GSTO1: variants seen among roughly 807,000 people sequenced by gnomAD.
GSTO1 encodes the protein glutathione S-transferase omega 1.
A neutral mutation model predicts 23.8 loss-of-function variants in GSTO1; 27 were observed. That is an observed-to-expected ratio of 1.13 (90% CI 0.83 to 1.56). The LOEUF (loss-of-function observed/expected upper bound fraction) is 1.56. Ranked by LOEUF, GSTO1 falls within the 40% of genes most tolerant of loss-of-function variation. GSTO1 has a pLI of 0.00. For synonymous variants in GSTO1, 105 were observed against 109.3 expected (o/e 0.96, Z 0.25); for missense variants, 255 against 285.8 (o/e 0.89, Z 0.78).
In GSTO1 at chr10:104,267,338, A is replaced by G. The variant is rs772817786; in HGVS notation, c.659A>G (p.Lys220Arg). The change falls in exon 6 of 6, where the codon AAA becomes AGA. Residue 220 changes from lysine to arginine, a missense_variant. Physicochemically the swap from Lys to Arg is conservative, Grantham distance 26. Transcript: ENST00000369713. ...GTCTCAGCCCTGCTTACTAGTGAGA[A>G]AGACTGGCAAGGTTTCCTAGAGCTC... ...PTVSALLTSE[K>R]DWQGFLELYL... The G allele has an allele frequency of 1.1e-5, 17 of 1,613,774 alleles. No individual in the cohort carries two copies. Among genetic ancestry groups the G allele is most frequent in the Non-Finnish European group, 7.6e-6 (9 of 1,179,638 alleles).
chr10:104,260,804 A>G (rs2011132290), intron 3 of GSTO1, among the ~76,000 whole-genome samples: 1 of 152,212 alleles, frequency 6.6e-6, no homozygotes. Context: ...TTTAGGAGAC[A>G]TTATAAAGGG....
At chr10:104,257,142 A>G (rs779247123) in intron 2 of GSTO1, among the ~76,000 whole-genome samples, 5 of 132,268 alleles carry the variant, frequency 3.8e-5, no homozygotes, top group Non-Finnish European at 5.9e-5. Flanking sequence ...AGCCTTGACA[A>G]TCATATGGAC....
intron 2 of GSTO1, among the ~76,000 whole-genome samples, chr10:104,258,563 C>T (rs2011112223): frequency 6.6e-6 from 1 of 152,188 alleles, no homozygotes; most frequent in Non-Finnish European, 1.5e-5. Context: ...CTGATTTTAA[C>T]ATGGGCTAAG....
At chr10:104,256,562 G>A (rs549251884) in intron 2 of GSTO1, among the ~76,000 whole-genome samples, 1 of 152,290 alleles carries the variant, frequency 6.6e-6, no homozygotes, top group Admixed American at 6.5e-5. Context: ...TCCAGACAGT[G>A]CAAACAACAA....
chr10:104,263,002 T>C lies in GSTO1; in HGVS notation c.390T>C (p.Phe130=), dbSNP rs994146086. ...FSKVPSLVGS[F]IRSQNKEDYA... ...AGGTGCCATCCTTGGTAGGAAGCTT[T>C]ATTAGAAGCCAAAATAAAGAAGACT... Residue 130 remains phenylalanine, a synonymous_variant, in exon 4 of 6, where the codon TTT becomes TTC. Coordinates refer to ENST00000369713, the MANE Select transcript of GSTO1 (RefSeq NM_004832.3). 1.3e-6 allele frequency: 2 copies of C among 1,531,130 alleles called. No homozygotes were observed. The highest frequency in any genetic ancestry group is 1.8e-6 in the Non-Finnish European group (2 of 1,106,148). 94.8% of individuals were successfully genotyped at this position (1,531,130 alleles called of 1,614,324 possible).
rs746573966 is a variant in GSTO1 at position 104,266,048 on chromosome 10, C to A, written c.466-36C>A. ...TTTCTAGTGAGTCTTACTACATGCACAAGTAAGAAATACTTTTATGCTGTT... is the reference window on the plus strand; with the variant it reads ...TTTCTAGTGAGTCTTACTACATGCAAAAGTAAGAAATACTTTTATGCTGTT... On this transcript the variant is annotated intron_variant, in intron 4 of 5. Coordinates refer to ENST00000369713, the MANE Select transcript of GSTO1 (RefSeq NM_004832.3). 53 of 1,097,094 alleles carry A rather than the reference C, an allele frequency of 4.8e-5. No individual in the cohort carries two copies. In the Admixed American group the frequency reaches 8.7e-4, roughly 18 times the overall value. 68.0% of individuals were successfully genotyped at this position (1,097,094 alleles called of 1,614,324 possible).
chr10:104,266,031 G>A, intron 4 of GSTO1, 53 bp from the exon 5 acceptor site: 1 of 911,742 alleles, frequency 1.1e-6, no homozygotes, highest in East Asian at 2.4e-5. Context: ...CATTTCTAGT[G>A]AGTCTTACTA....
At chr10:104,264,617 T>C (rs2011164446) in intron 4 of GSTO1, among the ~76,000 whole-genome samples, 1 of 152,226 alleles carries the variant, frequency 6.6e-6, no homozygotes, top group South Asian at 2.1e-4. Context: ...ATCCAGTCTA[T>C]TTCCAGTATA....
At position 104,263,019 on chromosome 10, in the gene GSTO1, A is replaced by G; in HGVS notation, c.407A>G (p.Lys136Arg). The change falls in exon 4 of 6, where the codon AAA (lysine) becomes AGA (arginine). Residue 136 changes from lysine to arginine, a missense_variant. Lys to Arg is a conservative substitution (Grantham distance 26, BLOSUM62 2). Coordinates refer to ENST00000369713, the MANE Select transcript of GSTO1 (RefSeq NM_004832.3). ...GGAAGCTTTATTAGAAGCCAAAATA[A>G]AGAAGACTATGCTGGCCTAAAAGAA... ...LVGSFIRSQN[K>R]EDYAGLKEEF... 6.4e-7 allele frequency: 1 copy of G among 1,552,550 alleles called. No homozygotes were observed. The highest frequency in any genetic ancestry group is 8.9e-7 in the Non-Finnish European group (1 of 1,125,712).
intron 2 of GSTO1, among the ~76,000 whole-genome samples, chr10:104,258,885 T>C (rs1352648111): frequency 6.6e-6 from 1 of 152,018 alleles, no homozygotes; most frequent in African/African-American, 2.4e-5. Context: ...AAAGAGGATA[T>C]AAAAATGGGC....
intron 2 of GSTO1, among the ~76,000 whole-genome samples, chr10:104,256,415 G>C (rs1218090434): frequency 6.6e-6 from 1 of 152,154 alleles, no homozygotes; most frequent in Non-Finnish European, 1.5e-5. Flanking sequence ...CAAAGTCCTG[G>C]GTTATGTGCT....
At chr10:104,255,686 C>T (rs969913211) in intron 2 of GSTO1, among the ~76,000 whole-genome samples, 5 of 152,096 alleles carry the variant, frequency 3.3e-5, no homozygotes, top group African/African-American at 1.2e-4. Context: ...TGTATTGTTC[C>T]CTCCTAGAAT....
chr10:104,259,474 T>G, intron 2 of GSTO1, 102 bp from the exon 3 acceptor site: 1 of 672,026 alleles, frequency 1.5e-6, no homozygotes, highest in Non-Finnish European at 2.6e-6. Context: ...GACTCCTAAA[T>G]TTGGGGTCTG....
chr10:104,264,306 TTTTC>T (rs2011161997), intron 4 of GSTO1, among the ~76,000 whole-genome samples: 1 of 152,224 alleles, frequency 6.6e-6, no homozygotes, highest in Non-Finnish European at 1.5e-5. Flanking sequence ...ACTTTTATAT[TTTTC>T]TGCTGAACAG....
At chr10:104,263,646 T>G (rs1464738218) in intron 4 of GSTO1, among the ~76,000 whole-genome samples, 1 of 152,234 alleles carries the variant, frequency 6.6e-6, no homozygotes, top group Non-Finnish European at 1.5e-5. Flanking sequence ...TCATTCATGC[T>G]AAGCCTGAAG....
In GSTO1 at chr10:104,265,052, G is replaced by A. The variant is rs528513144; in HGVS notation, c.466-1032G>A. On this transcript the variant is annotated intron_variant, in intron 4 of 5. Coordinates refer to ENST00000369713, the MANE Select transcript of GSTO1 (RefSeq NM_004832.3). ...TTTACTGAATGCTTGCTTTTGCACC[G>A]TCGTAAAGTTGAAAAGAATTTAAAT... Among the ~76,000 whole-genome samples, 15 of 152,266 alleles carry A rather than the reference G, an allele frequency of 9.9e-5. No individual in the cohort carries two copies. In the Middle Eastern group the frequency reaches 0.01, roughly 104 times the overall value.
intron 4 of GSTO1, among the ~76,000 whole-genome samples, chr10:104,263,916 T>A (rs532989486): frequency 2.4e-5 from 3 of 126,206 alleles, no homozygotes; most frequent in South Asian, 2.1e-4. Flanking sequence ...TATTGACAAA[T>A]TTTTTTTTTT....
chr10:104,267,414 G>T lies in GSTO1; in HGVS notation c.*9G>T. On this transcript the variant is annotated 3_prime_UTR_variant, in exon 6 of 6. Coordinates refer to ENST00000369713, the MANE Select transcript of GSTO1 (RefSeq NM_004832.3). ...GTGACTATGGGCTCTGAAGGGGGCA[G>T]GAGTCAGCAATAAAGCTATGTCTGA... The T allele has an allele frequency of 6.3e-7, 1 of 1,580,424 alleles. No homozygotes were observed. The highest frequency in any genetic ancestry group is 8.6e-7 in the Non-Finnish European group (1 of 1,166,620).
At chr10:104,255,876 A>G (rs976567677) in intron 2 of GSTO1, among the ~76,000 whole-genome samples, 1 of 152,232 alleles carries the variant, frequency 6.6e-6, no homozygotes, top group East Asian at 1.9e-4. Flanking sequence ...CTTACGGGCT[A>G]TCCACAGGAT....
Sources: allele counts gnomAD v4.1 joint callset (sites outside exome capture counted in the v4.1 genomes callset), GRCh38; gene constraint gnomAD v4.1.1; transcripts MANE v1.5; gene names NCBI Gene and HGNC (gene_info 2026-07-23, HGNC 2026-07-21).